The following ZNF385D variants were observed in gnomAD, a reference collection of about 807,000 sequenced individuals.
ZNF385D encodes the protein zinc finger protein 385D.
Under a neutral mutation model 35.8 loss-of-function variants are expected in ZNF385D, and 15 were observed. The ratio of observed to expected loss-of-function variants is 0.42; its 90% CI spans 0.28 to 0.64. The LOEUF is 0.64. Ranked by LOEUF, ZNF385D falls within the 30% of genes least tolerant of loss-of-function variation. ZNF385D has a pLI of 0.23. For synonymous variants in ZNF385D, 212 were observed against 186.8 expected, an observed-to-expected ratio of 1.13 and a Z score of -1.10; for missense variants, 474 against 494.6, an observed-to-expected ratio of 0.96 and a Z score of 0.39.
At chr3:21,612,177 C>T (rs2064702188) in intron 2 of ZNF385D, among the ~76,000 whole-genome samples, 1 of 152,144 alleles carries the variant, frequency 6.6e-6, no homozygotes, top group Non-Finnish European at 1.5e-5. Context: ...CTCCCAGGTC[C>T]TGGTTCAAGC....
At chr3:21,961,206 TA>T (rs1386483403) in intron 3 of ZNF385D, among the ~76,000 whole-genome samples, 1 of 151,894 alleles carries the variant, frequency 6.6e-6, no homozygotes, top group African/African-American at 2.4e-5. Context: ...ATATGTCAAC[TA>T]AAAAAATAAA....
chr3:21,930,654 T>G (rs114008059), intron 3 of ZNF385D, among the ~76,000 whole-genome samples: 518 of 152,202 alleles, frequency 3.4e-3, no homozygotes, highest in African/African-American at 0.012. Context: ...AGAACTAAGA[T>G]GAGAAATTAA....
intron 2 of ZNF385D, among the ~76,000 whole-genome samples, chr3:22,364,044 A>T (rs888681919): frequency 6.6e-6 from 1 of 152,078 alleles, no homozygotes; most frequent in Non-Finnish European, 1.5e-5. Flanking sequence ...GATGCTCAAC[A>T]TTATGTTTGT....
In ZNF385D at chr3:21,793,616, C is replaced by A. The variant is rs558692144; in HGVS notation, c.326-128588G>T. Among the ~76,000 whole-genome samples, 15 of 152,318 alleles carry A rather than the reference C, an allele frequency of 9.8e-5. No homozygotes were observed. In the East Asian group the frequency reaches 1.5e-3, roughly 16 times the overall value. ...GATCTTCAGGTAAAAAAACTGAGGC[C>A]TGCAGAGCCTACAGGACATGCTGAG... On this transcript the variant is annotated intron_variant, in intron 3 of 5. Transcript: ENST00000494108.
intron 2 of ZNF385D, among the ~76,000 whole-genome samples, chr3:21,591,545 T>C (rs1231831287): frequency 6.6e-6 from 1 of 152,172 alleles, no homozygotes; most frequent in East Asian, 1.9e-4. Flanking sequence ...AATATTTTAG[T>C]CCAATATGAA....
intron 3 of ZNF385D, among the ~76,000 whole-genome samples, chr3:21,763,154 A>T (rs188936690): frequency 1.3e-4 from 20 of 152,242 alleles, no homozygotes; most frequent in Non-Finnish European, 1.8e-4. Context: ...AAAAAAATTC[A>T]CCTTCTCTCC....
intron 3 of ZNF385D, among the ~76,000 whole-genome samples, chr3:21,760,101 T>C (rs1263304970): frequency 6.6e-6 from 1 of 152,202 alleles, no homozygotes; most frequent in African/African-American, 2.4e-5. Flanking sequence ...ATTCTTTTCA[T>C]TATCTCTCAA....
intron 2 of ZNF385D, among the ~76,000 whole-genome samples, chr3:22,296,117 T>A (rs1176134764): frequency 1.3e-5 from 2 of 152,006 alleles, no homozygotes; most frequent in African/African-American, 4.8e-5. Context: ...ATGCCATAGG[T>A]TTTAGATTAT....
intron 1 of ZNF385D, among the ~76,000 whole-genome samples, chr3:21,719,940 T>G (rs866752274): frequency 1.3e-4 from 20 of 152,314 alleles, no homozygotes; most frequent in African/African-American, 4.8e-4. Flanking sequence ...CTGTATGACC[T>G]CAGATGATTT....
At chr3:22,272,930 AAG>A (rs1276572633) in intron 2 of ZNF385D, among the ~76,000 whole-genome samples, 1 of 152,018 alleles carries the variant, frequency 6.6e-6, no homozygotes, top group Admixed American at 6.6e-5. Flanking sequence ...GATCAGAAAT[AAG>A]AGAGGACAAA....
chr3:21,456,707 C>T (rs922702710), intron 4 of ZNF385D, among the ~76,000 whole-genome samples: 6 of 151,812 alleles, frequency 4.0e-5, no homozygotes, highest in African/African-American at 1.5e-4. Flanking sequence ...GCATGTTGTG[C>T]ACATGTACCC....
intron 3 of ZNF385D, among the ~76,000 whole-genome samples, chr3:21,544,154 CTAAAG>C (rs2062289527): frequency 6.6e-6 from 1 of 152,082 alleles, no homozygotes; most frequent in Non-Finnish European, 1.5e-5. Flanking sequence ...AAAAACAGCC[CTAAAG>C]ACTTAGTAAA....
chr3:21,608,252 G>A (rs1342584995), intron 2 of ZNF385D, among the ~76,000 whole-genome samples: 6 of 151,732 alleles, frequency 4.0e-5, no homozygotes, highest in Admixed American at 1.3e-4. Context: ...CTCATGATCC[G>A]CCCACCTTGG....
intron 4 of ZNF385D, 27 bp downstream of exon 4, chr3:21,510,831 GGAC>G: frequency 6.2e-7 from 1 of 1,610,536 alleles, no homozygotes; most frequent in Non-Finnish European, 8.5e-7. Flanking sequence ...ACGACGACGA[GGAC>G]AACAACAACA....
chr3:22,025,033 T>C (rs1187776461), intron 3 of ZNF385D, among the ~76,000 whole-genome samples: 5 of 152,172 alleles, frequency 3.3e-5, no homozygotes, highest in African/African-American at 1.2e-4. Flanking sequence ...ACTGTTAAAG[T>C]GAGGGCATTG....
chr3:21,789,888 G>C (rs1309339253), intron 3 of ZNF385D, among the ~76,000 whole-genome samples: 1 of 152,166 alleles, frequency 6.6e-6, no homozygotes, highest in African/African-American at 2.4e-5. Context: ...ACTTGTCACT[G>C]TTGTCAGATT....
At chr3:22,075,350 C>T (rs191640231) in intron 3 of ZNF385D, among the ~76,000 whole-genome samples, 398 of 152,022 alleles carry the variant, frequency 2.6e-3, no homozygotes, top group Non-Finnish European at 4.6e-3. Context: ...TCTCCTCCCT[C>T]ATCCCAATTC....
chr3:22,023,521 T>C (rs935128762), intron 3 of ZNF385D, among the ~76,000 whole-genome samples: 13 of 152,158 alleles, frequency 8.5e-5, no homozygotes, highest in African/African-American at 3.1e-4. Context: ...GAGAATAAAA[T>C]GGAGTCATTG....
At chr3:21,638,420 A>G (rs983426240) in intron 2 of ZNF385D, among the ~76,000 whole-genome samples, 11 of 151,974 alleles carry the variant, frequency 7.2e-5, no homozygotes, top group African/African-American at 2.4e-4. Flanking sequence ...CCTTTAAAAG[A>G]TTTTGGTATT....
Sources: allele counts gnomAD v4.1 joint callset (sites outside exome capture counted in the v4.1 genomes callset), GRCh38; gene constraint gnomAD v4.1.1; transcripts MANE v1.5; gene names NCBI Gene and HGNC (gene_info 2026-07-23, HGNC 2026-07-21).